The following KNTC1 variants were observed in gnomAD, a reference collection of about 807,000 sequenced individuals.
KNTC1 encodes kinetochore associated 1, also known as kinetochore-associated protein 1.
Under a neutral mutation model 314.4 loss-of-function variants are expected in KNTC1, and 253 were observed. The ratio of observed to expected loss-of-function variants is 0.80; its 90% CI spans 0.73 to 0.89. The LOEUF is 0.89. Ranked by LOEUF, KNTC1 falls within the 40% of genes least tolerant of loss-of-function variation. The probability of loss-of-function intolerance (pLI) is 0.00; values close to 1 mark genes in which losing one functional copy is unlikely to be tolerated. For synonymous variants in KNTC1, 901 were observed against 901.4 expected (o/e 1.00, Z 0.01); for missense variants, 2,475 against 2,572.9 (o/e 0.96, Z 0.82).
chr12:122,548,815 A>G (rs1337830048), intron 12 of KNTC1, among the ~76,000 whole-genome samples: 1 of 151,966 alleles, frequency 6.6e-6, no homozygotes, highest in Non-Finnish European at 1.5e-5. Context: ...TAAAAATACA[A>G]AAATTAGCCG....
Position 122,597,939 on chromosome 12 carries a change from G to A in KNTC1, c.4563+1G>A. ...CAGTCTTAGTGGAATACTACATAAG[G>A]TAGACACACAGTGAAATGAATCGGG... On this transcript the variant is annotated splice_donor_variant, in intron 44 of 63. Transcript: ENST00000333479. LOFTEE classifies it high-confidence loss of function. The A allele has an allele frequency of 6.2e-7, 1 of 1,612,072 alleles. No individual in the cohort carries two copies. The highest frequency in any genetic ancestry group is 8.5e-7 in the Non-Finnish European group (1 of 1,178,166).
At chr12:122,592,696 C>T (rs1870438056) in intron 42 of KNTC1, 1 of 152,150 alleles carries the variant, frequency 6.6e-6, no homozygotes, top group African/African-American at 2.4e-5. Context: ...GTATCTAGCT[C>T]AGGGATTGTA....
At chr12:122,617,129 T>G (rs1873849823) in intron 57 of KNTC1, among the ~76,000 whole-genome samples, 1 of 152,232 alleles carries the variant, frequency 6.6e-6, no homozygotes, top group South Asian at 2.1e-4. Flanking sequence ...TGATAAAGAT[T>G]TGAGTTTCTA....
Position 122,605,057 on chromosome 12 carries a change from A to T in KNTC1, c.5356A>T (p.Ile1786Phe). 1 of 1,612,148 alleles carries T rather than the reference A, an allele frequency of 6.2e-7. No homozygotes were observed. Among genetic ancestry groups the T allele is most frequent in the Admixed American group, 1.7e-5 (1 of 59,768 alleles). Reference protein sequence around the residue: ...LYEHPSINQRIQNSSGTDYPD... With the variant: ...LYEHPSINQRFQNSSGTDYPD... ...CGAACATCCTAGCATCAATCAAAGA[A>T]TTCAGAATTCATCTGGCACAGATTA... Residue 1786 changes from isoleucine to phenylalanine, a missense_variant, in exon 50 of 64, where the codon ATT (isoleucine) becomes TTT (phenylalanine). Coordinates refer to ENST00000333479, the MANE Select transcript of KNTC1 (RefSeq NM_014708.6).
At chr12:122,615,691 G>A (rs1873692169) in intron 57 of KNTC1, among the ~76,000 whole-genome samples, 165 bp downstream of exon 57, 2 of 152,154 alleles carry the variant, frequency 1.3e-5, no homozygotes, top group African/African-American at 4.8e-5. Flanking sequence ...GGAGGCCAAG[G>A]TGGAAGGATC....
intron 39 of KNTC1, 100 bp downstream of exon 39, chr12:122,587,974 C>A: frequency 2.0e-6 from 2 of 983,330 alleles, no homozygotes; most frequent in Non-Finnish European, 1.4e-6. Context: ...GTCTTTGTAG[C>A]AAGGAAATTG....
chr12:122,559,185 A>G (rs1006590811), intron 18 of KNTC1, among the ~76,000 whole-genome samples: 6 of 130,506 alleles, frequency 4.6e-5, no homozygotes, highest in African/African-American at 1.5e-4. Context: ...CGTCTCTACT[A>G]AAATACAAAA....
chr12:122,621,732 A>G (rs1874457725), intron 60 of KNTC1, 149 bp from the exon 61 acceptor site: 1 of 583,834 alleles, frequency 1.7e-6, no homozygotes, highest in Non-Finnish European at 3.0e-6. Context: ...TTCATCATTC[A>G]TACACTCATT....
At position 122,604,563 on chromosome 12, in the gene KNTC1, G is replaced by C; in HGVS notation, c.5102-1G>C. Reference sequence around the variant, plus strand: ...TTTATTTATTTATTTATTTATTTTAGGTTCCTTCAAGATATCTGCTTTGAA... The same window carrying C: ...TTTATTTATTTATTTATTTATTTTACGTTCCTTCAAGATATCTGCTTTGAA... On this transcript the variant is annotated splice_acceptor_variant, in intron 48 of 63. Coordinates refer to ENST00000333479, the MANE Select transcript of KNTC1 (RefSeq NM_014708.6). LOFTEE classifies it high-confidence loss of function. 1 of 1,389,334 alleles carries C rather than the reference G, an allele frequency of 7.2e-7. No individual in the cohort carries two copies. Among genetic ancestry groups the C allele is most frequent in the South Asian group, 1.2e-5 (1 of 82,182 alleles). 86.1% of individuals were successfully genotyped at this position (1,389,334 alleles called of 1,614,324 possible). A position where few individuals can be genotyped will look rare whatever the true frequency, so the allele number is the denominator to read the frequency against.
chr12:122,600,891 C>T (rs1347490885), intron 44 of KNTC1, among the ~76,000 whole-genome samples: 1 of 152,022 alleles, frequency 6.6e-6, no homozygotes, highest in Non-Finnish European at 1.5e-5. Context: ...GTCTTGAACT[C>T]TTGACCCCAG....
chr12:122,588,845 G>GTT, intron 40 of KNTC1, 29 bp downstream of exon 40: 1 of 1,413,472 alleles, frequency 7.1e-7, no homozygotes, highest in Non-Finnish European at 9.4e-7. Context: ...TAAAAATTTT[G>GTT]TTTGTTTTTT....
chr12:122,595,817 A>C (rs1870958267), intron 43 of KNTC1, among the ~76,000 whole-genome samples: 1 of 152,186 alleles, frequency 6.6e-6, no homozygotes, highest in Non-Finnish European at 1.5e-5. Context: ...AATAGCTATA[A>C]TGTCAAGTTC....
chr12:122,537,092 T>C (rs1961899955), intron 3 of KNTC1, among the ~76,000 whole-genome samples: 1 of 152,200 alleles, frequency 6.6e-6, no homozygotes, highest in Admixed American at 6.5e-5. Context: ...AGTTACATAC[T>C]ATTGTTTTTC....
At chr12:122,529,079 G>A (rs1207115710) in intron 1 of KNTC1, among the ~76,000 whole-genome samples, 1 of 152,078 alleles carries the variant, frequency 6.6e-6, no homozygotes, top group Non-Finnish European at 1.5e-5. Context: ...CCTGACCTCA[G>A]ATAATCCACC....
At chr12:122,539,625 A>G (rs961127660) in intron 4 of KNTC1, 51 bp from the exon 5 acceptor site, 28 of 1,240,814 alleles carry the variant, frequency 2.3e-5, no homozygotes, top group Non-Finnish European at 2.7e-5. Flanking sequence ...AAAATCCTTG[A>G]TTGTATTTTT....
intron 52 of KNTC1, among the ~76,000 whole-genome samples, chr12:122,610,232 G>A (rs2138147961): frequency 6.6e-6 from 1 of 152,294 alleles, no homozygotes; most frequent in Admixed American, 6.5e-5. Context: ...ACAAGAAGTA[G>A]CTCCTGGTAT....
At chr12:122,559,163 A>G (rs1252179891) in intron 18 of KNTC1, among the ~76,000 whole-genome samples, 1 of 151,368 alleles carries the variant, frequency 6.6e-6, no homozygotes. Context: ...TGTGACGAAC[A>G]TGGTGAAACC....
chr12:122,528,764 CG>C (rs1961026700), intron 1 of KNTC1, among the ~76,000 whole-genome samples: 1 of 152,098 alleles, frequency 6.6e-6, no homozygotes, highest in African/African-American at 2.4e-5. Context: ...TCTTATCTTG[CG>C]TAACAGTGTA....
At chr12:122,565,259 A>G (rs1283846612) in intron 20 of KNTC1, among the ~76,000 whole-genome samples, 1,546 of 149,592 alleles carry the variant, frequency 0.01, 33 homozygotes, top group African/African-American at 0.037. Context: ...TTTTAAAAAA[A>G]AAAAAACAGA....
Sources: gnomAD v4.1 joint callset for allele counts (sites outside exome capture counted in the v4.1 genomes callset) on GRCh38, gnomAD v4.1.1 for gene constraint, MANE v1.5 for transcripts, NCBI Gene and HGNC (gene_info 2026-07-23, HGNC 2026-07-21) for gene names.